Variants in ATP8B2 observed in about 807,000 individuals in gnomAD.
The protein encoded by ATP8B2 is phospholipid-transporting ATPase ID.
In ATP8B2, 70 loss-of-function variants were observed where a neutral mutation model predicts 133.4. That is an observed-to-expected ratio of 0.52 (90% CI 0.43 to 0.64). The LOEUF is 0.64. Ranked by LOEUF, ATP8B2 falls within the 30% of genes least tolerant of loss-of-function variation. The pLI is 0.00. For synonymous variants in ATP8B2, 517 were observed against 589.5 expected, an observed-to-expected ratio of 0.88 and a Z score of 1.78; for missense variants, 1,101 against 1,535.7, an observed-to-expected ratio of 0.72 and a Z score of 4.73.
chr1:154,330,784 C>A (rs1382805717), intron 3 of ATP8B2, 31 bp from the exon 4 acceptor site: 1 of 1,578,038 alleles, frequency 6.3e-7, no homozygotes, highest in Non-Finnish European at 8.7e-7. Flanking sequence ...GGACTGGAGA[C>A]TGCTCATTAT....
At chr1:154,341,155 C>T (rs1276141375) in intron 13 of ATP8B2, 93 bp downstream of exon 13, 2 of 1,357,096 alleles carry the variant, frequency 1.5e-6, no homozygotes, top group East Asian at 2.5e-5. Flanking sequence ...TTGGTTTTTT[C>T]TTCCTTCCTA....
At position 154,331,266 on chromosome 1, in the gene ATP8B2, C is replaced by T. The variant is rs548851690; in HGVS notation, c.303+120C>T. ...CTTGGTGACCTTGACATCCCTTACC[C>T]GGTCCAGCTAGATCCATGATGTCTT... On this transcript the variant is annotated intron_variant, in intron 5 of 27. Transcript: ENST00000368489. This position sits in a 1 kb window ranked among gnomAD's most constrained non-coding sequence, Gnocchi z 4.8. 734 of 1,152,726 alleles carry T rather than the reference C, an allele frequency of 6.4e-4. 2 individuals are homozygous for T. The Middle Eastern group carries it at 7.8e-3, about 12-fold the overall frequency. 71.4% of individuals were successfully genotyped at this position (1,152,726 alleles called of 1,614,324 possible).
At chr1:154,342,236 T>G (rs752649397) in intron 13 of ATP8B2, among the ~76,000 whole-genome samples, 2 of 150,460 alleles carry the variant, frequency 1.3e-5, no homozygotes, top group African/African-American at 2.4e-5. Flanking sequence ...GAGACAGGGA[T>G]GGTGAGCAGT....
At position 154,334,916 on chromosome 1, in the gene ATP8B2, G is replaced by C. The variant is rs1686123986; in HGVS notation, c.837+325G>C. Among the ~76,000 whole-genome samples the C allele has an allele frequency of 6.6e-6, 1 of 152,138 alleles. No homozygotes were observed. Among genetic ancestry groups the C allele is most frequent in the Non-Finnish European group, 1.5e-5 (1 of 68,032 alleles). On this transcript the variant is annotated intron_variant, in intron 11 of 27. Transcript: ENST00000368489. The surrounding 1 kb of genome is among the most constrained non-coding windows in gnomAD (Gnocchi z 4.6). ...GGACAAGGAGGCCTTCATGGGGATGGAGAGGGAATTAAAAGAAAAATTTCC... is the reference window on the plus strand; with the variant it reads ...GGACAAGGAGGCCTTCATGGGGATGCAGAGGGAATTAAAAGAAAAATTTCC...
Position 154,350,248 on chromosome 1 carries a change from A to AT in ATP8B2, c.*1135dup. The AT allele has an allele frequency of 2.0e-5, 3 of 151,836 alleles. No individual in the cohort carries two copies. The highest frequency in any genetic ancestry group is 7.3e-5 in the African/African-American group (3 of 41,356). The allele number at this position is 151,836 out of a possible 1,614,324, so 9.4% of individuals were successfully genotyped here. ...ACCACCACGCTTGGTTAATTTTTGT[A>AT]TTTTTAGTAGAGATGTTTCACCATG... is the stretch of plus-strand genomic sequence containing the variant. On this transcript the variant is annotated 3_prime_UTR_variant, in exon 28 of 28. Transcript: ENST00000368489.
At chr1:154,330,555 T>C in intron 3 of ATP8B2, 101 bp downstream of exon 3, 1 of 1,317,138 alleles carries the variant, frequency 7.6e-7, no homozygotes, top group Non-Finnish European at 1.1e-6. Flanking sequence ...GGAAGAGTGC[T>C]TGGGGGAGGG....
chr1:154,344,794 C>T lies in ATP8B2; in HGVS notation c.2286+9C>T, dbSNP rs367930880. 6.9e-5 allele frequency: 109 copies of T among 1,590,666 alleles called. 1 individual carries two copies. Among genetic ancestry groups the T allele is most frequent in the Non-Finnish European group, 8.9e-5 (104 of 1,162,642 alleles). On this transcript the variant is annotated intron_variant, in intron 21 of 27. Coordinates refer to ENST00000368489, the MANE Select transcript of ATP8B2 (RefSeq NM_001370597.1). This position sits in a 1 kb window ranked among gnomAD's most constrained non-coding sequence, Gnocchi z 4.1. ...TAAATGGTCACAGCCTGGTAGGCATCGCTATCCTTAGCTTGGGCAGTATCT... is the reference window on the plus strand; with the variant it reads ...TAAATGGTCACAGCCTGGTAGGCATTGCTATCCTTAGCTTGGGCAGTATCT...
Position 154,346,768 on chromosome 1 carries a change from C to T in ATP8B2, c.3163+10C>T, listed in dbSNP as rs142151506. On this transcript the variant is annotated intron_variant, in intron 26 of 27. Coordinates refer to ENST00000368489, the MANE Select transcript of ATP8B2 (RefSeq NM_001370597.1). This position sits in a 1 kb window ranked among gnomAD's most constrained non-coding sequence, Gnocchi z 4.5. ...CAGTTCCGGTTTGTGGGTAAGTCCC[C>T]GTGGCCTCCTTGAATCGGTGAGGAA... 9.5e-4 allele frequency: 1,540 copies of T among 1,613,786 alleles called. 3 individuals are homozygous for T. The highest frequency in any genetic ancestry group is 1.1e-3 in the Non-Finnish European group (1,339 of 1,179,756).
Position 154,345,655 on chromosome 1 carries a change from C to A in ATP8B2, c.2694+110C>A. The stretch of plus-strand genomic sequence containing the variant: ...GGGCCTAGCTATTTTCTGGTACATA[C>A]TCTTAAAAAATGCTTATTAAAGGAG... On this transcript the variant is annotated intron_variant, in intron 23 of 27. Transcript: ENST00000368489. The surrounding 1 kb of genome is among the most constrained non-coding windows in gnomAD (Gnocchi z 5.6). The A allele has an allele frequency of 7.5e-7, 1 of 1,324,570 alleles. No homozygotes were observed. 82.1% of individuals were successfully genotyped at this position (1,324,570 alleles called of 1,614,324 possible).
At position 154,331,542 on chromosome 1, in the gene ATP8B2, A is replaced by AG. The variant is rs1685993412; in HGVS notation, c.365+42dup. ...TTGGAGACAAGAGCTCTGGGGACGA[A>AG]GGGGGTCCCTTAGGAACCTCTTTAG... On this transcript the variant is annotated intron_variant, in intron 6 of 27. Transcript: ENST00000368489. This position sits in a 1 kb window ranked among gnomAD's most constrained non-coding sequence, Gnocchi z 4.8. The AG allele has an allele frequency of 6.2e-7, 1 of 1,613,598 alleles. No homozygotes were observed. The highest frequency in any genetic ancestry group is 8.5e-7 in the Non-Finnish European group (1 of 1,179,604).
In ATP8B2 at chr1:154,348,890, C is replaced by T. The variant is rs1389058999; in HGVS notation, c.3345C>T (p.Cys1115=). 5.6e-6 allele frequency: 9 copies of T among 1,613,618 alleles called. No homozygotes were observed. The East Asian group carries it at 2.0e-4, about 36-fold the overall frequency. ...AGAAGCAGAAGGCCCAGCACCGCTGCATGCGGCGGGTTGGCCGCACTGGCT... is the reference window on the plus strand; with the variant it reads ...AGAAGCAGAAGGCCCAGCACCGCTGTATGCGGCGGGTTGGCCGCACTGGCT... ...VRKKQKAQHR[C]MRRVGRTGSR... The change falls in exon 28 of 28, where the codon TGC becomes TGT. Residue 1115 remains cysteine, a synonymous_variant. Coordinates refer to ENST00000368489, the MANE Select transcript of ATP8B2 (RefSeq NM_001370597.1).
intron 14 of ATP8B2, 31 bp from the exon 15 acceptor site, chr1:154,342,765 C>G: frequency 6.2e-7 from 1 of 1,609,204 alleles, no homozygotes; most frequent in Non-Finnish European, 8.5e-7. Context: ...GGCACTCTAG[C>G]CTTTCCTAAG....
In ATP8B2 at chr1:154,328,774, G is replaced by C; in HGVS notation, c.31+602G>C. On this transcript the variant is annotated intron_variant, in intron 2 of 27. Coordinates refer to ENST00000368489, the MANE Select transcript of ATP8B2 (RefSeq NM_001370597.1). The surrounding 1 kb of genome is among the most constrained non-coding windows in gnomAD (Gnocchi z 4.6). ...ACGCTGGCATCCGCCGGGGGGCATG[G>C]GGGGCGGCGGCGGCGGCGCAGCTGA... The C allele has an allele frequency of 1.0e-6, 1 of 1,001,280 alleles. No homozygotes were observed. Among genetic ancestry groups the C allele is most frequent in the Non-Finnish European group, 1.2e-6 (1 of 841,602 alleles). 62.0% of individuals were successfully genotyped at this position (1,001,280 alleles called of 1,614,324 possible).
chr1:154,340,846 C>CT lies in ATP8B2; in HGVS notation c.1035-7dup, dbSNP rs1686356098. 6.2e-7 allele frequency: 1 copy of CT among 1,614,064 alleles called. No individual in the cohort carries two copies. The highest frequency in any genetic ancestry group is 1.7e-5 in the Admixed American group (1 of 60,030). On this transcript the variant is annotated splice_polypyrimidine_tract_variant and splice_region_variant and intron_variant, in intron 12 of 27. Transcript: ENST00000368489. This position sits in a 1 kb window ranked among gnomAD's most constrained non-coding sequence, Gnocchi z 4.0. ...CGACCCAAGCCTCACCTCTTGTCCC[C>CT]TGTGCAGTGTGGAGGTCATCCGTCT...
intron 13 of ATP8B2, 25 bp from the exon 14 acceptor site, chr1:154,342,455 C>CT: frequency 6.2e-7 from 1 of 1,613,014 alleles, no homozygotes; most frequent in Non-Finnish European, 8.5e-7. Flanking sequence ...GACATTGCTT[C>CT]TTTTTCTGCC....
chr1:154,349,328 C>A lies in ATP8B2; in HGVS notation c.*210C>A. 1 of 708,278 alleles carries A rather than the reference C, an allele frequency of 1.4e-6. No homozygotes were observed. Among genetic ancestry groups the A allele is most frequent in the Non-Finnish European group, 2.3e-6 (1 of 439,388 alleles). The allele number at this position is 708,278 out of a possible 1,614,324, so 43.9% of individuals were successfully genotyped here. ...GCTGGGGAGCTAGAGGGAGCAGGCC[C>A]AAGGGCAGAGCAGAGGCTGAGGCAC... On this transcript the variant is annotated 3_prime_UTR_variant, in exon 28 of 28. Coordinates refer to ENST00000368489, the MANE Select transcript of ATP8B2 (RefSeq NM_001370597.1).
Position 154,346,020 on chromosome 1 carries a change from G to A in ATP8B2, c.2778+137G>A. On this transcript the variant is annotated intron_variant, in intron 24 of 27. Coordinates refer to ENST00000368489, the MANE Select transcript of ATP8B2 (RefSeq NM_001370597.1). The surrounding 1 kb of genome is among the most constrained non-coding windows in gnomAD (Gnocchi z 4.5). ...CAGTTCTTTCAGCCGGGGAAGGTGTGGCTGGTTCTCCCTCCTGGCTGCAGC... is the reference window on the plus strand; with the variant it reads ...CAGTTCTTTCAGCCGGGGAAGGTGTAGCTGGTTCTCCCTCCTGGCTGCAGC... The A allele has an allele frequency of 1.8e-6, 2 of 1,097,520 alleles. No individual in the cohort carries two copies. The highest frequency in any genetic ancestry group is 1.5e-5 in the African/African-American group (1 of 64,604). The allele number at this position is 1,097,520 out of a possible 1,614,324, so 68.0% of individuals were successfully genotyped here.
chr1:154,342,178 G>A (rs1279419989), intron 13 of ATP8B2, among the ~76,000 whole-genome samples: 3 of 152,070 alleles, frequency 2.0e-5, no homozygotes, highest in African/African-American at 7.2e-5. Context: ...AAGGAGGCCT[G>A]GGAGGTGTGG....
chr1:154,334,567 C>G lies in ATP8B2; in HGVS notation c.813C>G (p.Arg271=), dbSNP rs771162700. The G allele has an allele frequency of 1.4e-5, 23 of 1,613,890 alleles. No homozygotes were observed. The highest frequency in any genetic ancestry group is 1.7e-6 in the Non-Finnish European group (2 of 1,180,016). The change falls in exon 11 of 28, where the codon CGC becomes CGG. Residue 271 remains arginine, a synonymous_variant. Transcript: ENST00000368489. This position sits in a 1 kb window ranked among gnomAD's most constrained non-coding sequence, Gnocchi z 4.6. ...AGTTCAAAAGAACGAGTATCGATCG[C>G]CTAATGAATACCCTGGTGCTCTGGG... ...RTKFKRTSID[R]LMNTLVLWIF...
Sources: allele counts gnomAD v4.1 joint callset (sites outside exome capture counted in the v4.1 genomes callset), GRCh38; gene constraint gnomAD v4.1.1; non-coding constraint Gnocchi (gnomAD v3.1); transcripts MANE v1.5; gene names NCBI Gene and HGNC (gene_info 2026-07-23, HGNC 2026-07-21).